NTN4: variants seen among roughly 807,000 people sequenced by gnomAD.
The protein encoded by NTN4 is netrin 4, also known as netrin-4.
A neutral mutation model predicts 73.6 loss-of-function variants in NTN4; 32 were observed. That is an observed-to-expected ratio of 0.44 (90% CI 0.33 to 0.58). The LOEUF is 0.58. NTN4 is among the 20% of genes least tolerant of loss of function. The probability of loss-of-function intolerance (pLI) is 0.04; values close to 1 mark genes in which losing one functional copy is unlikely to be tolerated. For synonymous variants in NTN4, 258 were observed against 287.5 expected (o/e 0.90, Z 1.04); for missense variants, 654 against 798.3 (o/e 0.82, Z 2.18).
chr12:95,790,143 C>T lies in NTN4; in HGVS notation c.55+112G>A. 2 of 916,968 alleles carry T rather than the reference C, an allele frequency of 2.2e-6. No homozygotes were observed. The highest frequency in any genetic ancestry group is 3.2e-6 in the Non-Finnish European group (2 of 623,046). 56.8% of individuals were successfully genotyped at this position (916,968 alleles called of 1,614,324 possible). On this transcript the variant is annotated intron_variant, in intron 1 of 9. Coordinates refer to ENST00000343702, the MANE Select transcript of NTN4 (RefSeq NM_021229.4). This position sits in a 1 kb window ranked among gnomAD's most constrained non-coding sequence, Gnocchi z 6.5. Reference sequence around the variant, plus strand: ...GGAACATGGCCACTCATTTCACCCTCGGGAGCAGCGCTCTGCGCTCGCAGC... The same window carrying T: ...GGAACATGGCCACTCATTTCACCCTTGGGAGCAGCGCTCTGCGCTCGCAGC...
Position 95,738,117 on chromosome 12 carries a change from A to G in NTN4, c.613T>C (p.Tyr205His), listed in dbSNP as rs17288108. 0.15 allele frequency: 249,913 copies of G among 1,613,474 alleles called. 21,298 individuals are homozygous for G. Among genetic ancestry groups the G allele is most frequent in the Non-Finnish European group, 0.18 (206,532 of 1,179,496 alleles). Reference protein sequence around the residue: ...EVIFKALSPPYDTENPYSAKV... With the variant: ...EVIFKALSPPHDTENPYSAKV... ...GCACTGTAAGGGTTCTCTGTATCGT[A>G]TGGTGGTGACAAAGCTTTGAAAATA... The change falls in exon 3 of 10, where the codon TAC (tyrosine) becomes CAC (histidine). Residue 205 changes from tyrosine to histidine, a missense_variant. Coordinates refer to ENST00000343702, the MANE Select transcript of NTN4 (RefSeq NM_021229.4).
chr12:95,770,381 C>A (rs143836990), intron 2 of NTN4, among the ~76,000 whole-genome samples: 1 of 152,106 alleles, frequency 6.6e-6, no homozygotes, highest in Non-Finnish European at 1.5e-5. Flanking sequence ...AAGAGTTTTG[C>A]GCCCATTTGG....
chr12:95,672,773 A>C (rs1212510249), intron 7 of NTN4: 22 of 1,330,970 alleles, frequency 1.7e-5, no homozygotes, highest in Admixed American at 8.4e-5. Context: ...GAGAGTCTGA[A>C]GGACACTATT....
At chr12:95,684,423 C>T (rs528045498) in intron 5 of NTN4, among the ~76,000 whole-genome samples, 19 of 151,888 alleles carry the variant, frequency 1.3e-4, no homozygotes, top group African/African-American at 3.4e-4. Context: ...CTTAGTCTCC[C>T]GAGTAGGTGG....
intron 7 of NTN4, chr12:95,672,206 G>A (rs550594448): frequency 8.8e-6 from 5 of 569,778 alleles, no homozygotes; most frequent in South Asian, 7.7e-5. Context: ...GTCGGGTTGC[G>A]GGGGGCGGGC....
intron 3 of NTN4, among the ~76,000 whole-genome samples, chr12:95,727,560 C>T (rs973092053): frequency 6.6e-6 from 1 of 152,140 alleles, no homozygotes; most frequent in Non-Finnish European, 1.5e-5. Flanking sequence ...ATAATTTTAG[C>T]TCTATATTTA....
At chr12:95,688,714 G>T (rs543953531) in intron 5 of NTN4, among the ~76,000 whole-genome samples, 1 of 151,518 alleles carries the variant, frequency 6.6e-6, no homozygotes, top group African/African-American at 2.4e-5. Context: ...ACATCCATAG[G>T]TACTGGCAGT....
At chr12:95,685,251 C>A (rs899795352) in intron 5 of NTN4, among the ~76,000 whole-genome samples, 10 of 152,324 alleles carry the variant, frequency 6.6e-5, no homozygotes, top group African/African-American at 2.4e-4. Context: ...ATTCCCTAGG[C>A]TTCTCAATCA....
intron 2 of NTN4, among the ~76,000 whole-genome samples, chr12:95,770,018 A>G (rs1421320226): frequency 1.3e-5 from 2 of 152,076 alleles, no homozygotes; most frequent in Non-Finnish European, 2.9e-5. Flanking sequence ...TGGCCTCCCA[A>G]AGTGCTGGGA....
At chr12:95,668,106 T>C (rs533541443) in intron 8 of NTN4, among the ~76,000 whole-genome samples, 5 of 151,700 alleles carry the variant, frequency 3.3e-5, no homozygotes, top group South Asian at 2.1e-4. Flanking sequence ...TATTGCTCAA[T>C]AGATATTTGC....
At chr12:95,751,887 C>T (rs34731644) in intron 2 of NTN4, among the ~76,000 whole-genome samples, 68,474 of 88,794 alleles carry the variant, frequency 0.77, 27,125 homozygotes, top group Non-Finnish European at 0.83. Flanking sequence ...TAGACAATAC[C>T]CTTTTAAGCA....
rs569321506 is a variant in NTN4 at position 95,704,749 on chromosome 12, G to A, written c.1180+5692C>T. ...TGGAAGCAGATGCCAGTAAGGAAACGTAAGCTAGGGAAGCAGACACAGGCA... is the reference window on the plus strand; with the variant it reads ...TGGAAGCAGATGCCAGTAAGGAAACATAAGCTAGGGAAGCAGACACAGGCA... On this transcript the variant is annotated intron_variant, in intron 5 of 9. Transcript: ENST00000343702. Among the ~76,000 whole-genome samples the A allele has an allele frequency of 7.2e-5, 11 of 152,268 alleles. 1 individual carries two copies. The South Asian group carries it at 2.3e-3, about 32-fold the overall frequency.
At chr12:95,689,993 A>C (rs2078389821) in intron 5 of NTN4, among the ~76,000 whole-genome samples, 2 of 152,182 alleles carry the variant, frequency 1.3e-5, no homozygotes, top group South Asian at 2.1e-4. Flanking sequence ...CTCCTAGCTG[A>C]AATTTGTTTT....
At chr12:95,761,937 T>C (rs2078991905) in intron 2 of NTN4, among the ~76,000 whole-genome samples, 1 of 152,122 alleles carries the variant, frequency 6.6e-6, no homozygotes, top group South Asian at 2.1e-4. Flanking sequence ...GTTTAAGTCA[T>C]TAAAATTATT....
intron 2 of NTN4, among the ~76,000 whole-genome samples, chr12:95,753,173 C>T (rs1205043542): frequency 6.6e-6 from 1 of 152,182 alleles, no homozygotes; most frequent in Non-Finnish European, 1.5e-5. Context: ...CTAATTGCCA[C>T]ACACCAGCAA....
chr12:95,786,886 T>C lies in NTN4; in HGVS notation c.585+53A>G, dbSNP rs2079171114. On this transcript the variant is annotated intron_variant, in intron 2 of 9. Transcript: ENST00000343702. ...TCATGCTTTAAAAAAAAATGCGGGC[T>C]GGTAACATTTTTCTATCTTACTTAC... The C allele has an allele frequency of 8.9e-6, 13 of 1,456,696 alleles. No homozygotes were observed. The South Asian group carries it at 1.6e-4, about 18-fold the overall frequency. 90.2% of individuals were successfully genotyped at this position (1,456,696 alleles called of 1,614,324 possible). A position where few individuals can be genotyped will look rare whatever the true frequency, so the allele number is the denominator to read the frequency against.
intron 2 of NTN4, among the ~76,000 whole-genome samples, chr12:95,748,538 C>CA (rs1197816174): frequency 7.1e-6 from 1 of 141,582 alleles, no homozygotes; most frequent in Admixed American, 7.3e-5. Context: ...AATGCAGTGG[C>CA]ATGATCTCGG....
At chr12:95,742,221 T>C (rs1175632693) in intron 2 of NTN4, among the ~76,000 whole-genome samples, 1 of 152,042 alleles carries the variant, frequency 6.6e-6, no homozygotes, top group Non-Finnish European at 1.5e-5. Context: ...TTAGGCTAGG[T>C]GCGGTGGCTC....
At chr12:95,679,313 A>T (rs1351638729) in intron 7 of NTN4, among the ~76,000 whole-genome samples, 3 of 152,248 alleles carry the variant, frequency 2.0e-5, no homozygotes, top group Non-Finnish European at 4.4e-5. Flanking sequence ...GTATTGGCTC[A>T]TGAAACATGA....
Sources: allele counts gnomAD v4.1 joint callset (sites outside exome capture counted in the v4.1 genomes callset), GRCh38; gene constraint gnomAD v4.1.1; non-coding constraint Gnocchi (gnomAD v3.1); transcripts MANE v1.5; gene names NCBI Gene and HGNC (gene_info 2026-07-23, HGNC 2026-07-21).